The following CACNA2D3 variants were observed in gnomAD, a reference collection of about 807,000 sequenced individuals.
The protein encoded by CACNA2D3 is calcium voltage-gated channel auxiliary subunit alpha2delta 3, also known as voltage-dependent calcium channel subunit alpha-2/delta-3.
Under a neutral mutation model 160.6 loss-of-function variants are expected in CACNA2D3, and 60 were observed. The observed-to-expected ratio is 0.37, with a 90% CI of 0.30 to 0.46. The LOEUF is 0.46. CACNA2D3 is among the 20% of genes least tolerant of loss of function. The pLI is 1.00. For missense variants in CACNA2D3, 1,205 were observed against 1,365.0 expected (o/e 0.88, Z 1.85); for synonymous variants, 558 against 492.9 (o/e 1.13, Z -1.75).
At chr3:54,809,985 A>T (rs1021303792) in intron 13 of CACNA2D3, among the ~76,000 whole-genome samples, 1 of 152,226 alleles carries the variant, frequency 6.6e-6, no homozygotes, top group Non-Finnish European at 1.5e-5. Context: ...AGGAATAAAC[A>T]AGATGATATT....
intron 14 of CACNA2D3, among the ~76,000 whole-genome samples, chr3:54,824,059 C>T (rs747552021): frequency 6.6e-6 from 1 of 152,220 alleles, no homozygotes. Context: ...GAAACCCAAA[C>T]TCTGTTGTAA....
rs551266512 is a variant in CACNA2D3, at chr3:54,555,398, G to T, written c.545-7402G>T. Among the ~76,000 whole-genome samples, 4 of 152,232 alleles carry T rather than the reference G, an allele frequency of 2.6e-5. No individual in the cohort carries two copies. The South Asian group carries it at 8.3e-4, about 32-fold the overall frequency. Reference sequence around the variant, plus strand: ...CAAAGATGCAAAACTAATCTGGAAAGGTATGCAAGGGTGTATAGGAGTGTG... The same window carrying T: ...CAAAGATGCAAAACTAATCTGGAAATGTATGCAAGGGTGTATAGGAGTGTG... On this transcript the variant is annotated intron_variant, in intron 5 of 37. Transcript: ENST00000474759.
At chr3:54,473,007 TTTTTCC>T (rs1700763623) in intron 4 of CACNA2D3, among the ~76,000 whole-genome samples, 1 of 152,156 alleles carries the variant, frequency 6.6e-6, no homozygotes, top group Non-Finnish European at 1.5e-5. Flanking sequence ...ACCGTTGACT[TTTTTCC>T]TAGAATTAGA....
chr3:54,772,021 G>T (rs761343777), intron 13 of CACNA2D3, among the ~76,000 whole-genome samples: 38 of 151,916 alleles, frequency 2.5e-4, no homozygotes, highest in Non-Finnish European at 5.0e-4. Context: ...TCCCAGAGGA[G>T]CCTGGTTCTC....
intron 3 of CACNA2D3, among the ~76,000 whole-genome samples, chr3:54,370,033 A>G (rs1196074661): frequency 6.6e-6 from 1 of 152,218 alleles, no homozygotes; most frequent in African/African-American, 2.4e-5. Context: ...TTAAACTTGT[A>G]TCTTCACGTA....
intron 2 of CACNA2D3, among the ~76,000 whole-genome samples, chr3:54,215,324 C>T (rs1701441314): frequency 6.6e-6 from 1 of 152,176 alleles, no homozygotes; most frequent in Non-Finnish European, 1.5e-5. Flanking sequence ...TCACATACTT[C>T]TCATTTTTTT....
chr3:55,000,057 G>C (rs769704762), intron 31 of CACNA2D3, among the ~76,000 whole-genome samples: 1 of 152,136 alleles, frequency 6.6e-6, no homozygotes, highest in Non-Finnish European at 1.5e-5. Flanking sequence ...TGATGTCATG[G>C]GGATTAAGGC....
At chr3:54,542,520 G>A (rs548092681) in intron 5 of CACNA2D3, among the ~76,000 whole-genome samples, 153 of 152,272 alleles carry the variant, frequency 1.0e-3, no homozygotes, top group African/African-American at 3.6e-3. Flanking sequence ...TCAGTCTGTA[G>A]CCAAAGGCCC....
chr3:54,972,141 A>C (rs1237586163), intron 29 of CACNA2D3, among the ~76,000 whole-genome samples: 1 of 152,142 alleles, frequency 6.6e-6, no homozygotes, highest in Non-Finnish European at 1.5e-5. Context: ...ACAGGCTACG[A>C]CCTCTTGCTC....
At chr3:54,996,621 G>A (rs755030292) in intron 31 of CACNA2D3, among the ~76,000 whole-genome samples, 1 of 152,174 alleles carries the variant, frequency 6.6e-6, no homozygotes, top group African/African-American at 2.4e-5. Context: ...TATCAAATCA[G>A]TGCTGCTCTC....
intron 16 of CACNA2D3, among the ~76,000 whole-genome samples, chr3:54,842,212 A>C (rs1326365096): frequency 6.6e-6 from 1 of 152,168 alleles, no homozygotes. Context: ...AAACATTCTG[A>C]TGTTATTTTC....
At chr3:54,581,342 C>A (rs1702674010) in intron 8 of CACNA2D3, among the ~76,000 whole-genome samples, 1 of 152,150 alleles carries the variant, frequency 6.6e-6, no homozygotes, top group African/African-American at 2.4e-5. Flanking sequence ...TGCAGAGTGA[C>A]CAGGGAACAT....
rs545364300 is a variant in CACNA2D3 at position 54,692,532 on chromosome 3, A to G, written c.1167+50291A>G. Among the ~76,000 whole-genome samples the G allele has an allele frequency of 1.1e-4, 17 of 151,986 alleles. 1 individual carries two copies. In the South Asian group the frequency reaches 3.5e-3, roughly 32 times the overall value. On this transcript the variant is annotated intron_variant, in intron 11 of 37. Transcript: ENST00000474759. ...TGCTCCCTGCTTGCTTTTCTTTTCT[A>G]TTCTTTTCTTTCTTTCTTTTGTGTT...
At chr3:54,372,787 A>T (rs904414980) in intron 3 of CACNA2D3, among the ~76,000 whole-genome samples, 5 of 152,214 alleles carry the variant, frequency 3.3e-5, no homozygotes, top group African/African-American at 1.2e-4. Context: ...TTACCTGGGC[A>T]TTAAAAACGG....
rs181313204 is a variant in CACNA2D3, at chr3:54,754,522, C to T, written c.1246+1845C>T. Among the ~76,000 whole-genome samples, 383 of 152,264 alleles carry T rather than the reference C, an allele frequency of 2.5e-3. 1 individual carries two copies. The highest frequency in any genetic ancestry group is 8.7e-3 in the African/African-American group (363 of 41,554). ...GTTGATCTCTGGGTCCTGTTGGCCTCCCTTCTGAGGCTACAAGCTCCATGA... is the reference window on the plus strand; with the variant it reads ...GTTGATCTCTGGGTCCTGTTGGCCTTCCTTCTGAGGCTACAAGCTCCATGA... On this transcript the variant is annotated intron_variant, in intron 12 of 37. Transcript: ENST00000474759.
intron 13 of CACNA2D3, among the ~76,000 whole-genome samples, chr3:54,783,021 G>A (rs1575473087): frequency 6.6e-6 from 1 of 152,116 alleles, no homozygotes; most frequent in Non-Finnish European, 1.5e-5. Context: ...GGAAGCTGAG[G>A]TTTAGAGAGA....
At chr3:54,195,033 C>G (rs1245397423) in intron 2 of CACNA2D3, among the ~76,000 whole-genome samples, 2 of 152,204 alleles carry the variant, frequency 1.3e-5, no homozygotes, top group Non-Finnish European at 2.9e-5. Flanking sequence ...CGTGGTCACT[C>G]CCATGCTAAG....
At chr3:54,643,791 T>G (rs1189410561) in intron 11 of CACNA2D3, among the ~76,000 whole-genome samples, 1 of 152,316 alleles carries the variant, frequency 6.6e-6, no homozygotes, top group East Asian at 1.9e-4. Flanking sequence ...TGCACAGCCC[T>G]GCCAGGTGGC....
chr3:54,177,281 C>G (rs143183332), intron 2 of CACNA2D3, among the ~76,000 whole-genome samples: 1 of 152,298 alleles, frequency 6.6e-6, no homozygotes, highest in African/African-American at 2.4e-5. Context: ...GTTACAATTT[C>G]AGCCTTTAAA....
Sources: gnomAD v4.1 joint callset for allele counts (sites outside exome capture counted in the v4.1 genomes callset) on GRCh38, gnomAD v4.1.1 for gene constraint, MANE v1.5 for transcripts, NCBI Gene and HGNC (gene_info 2026-07-23, HGNC 2026-07-21) for gene names.